The following PTPRA variants were observed in gnomAD, a reference collection of about 807,000 sequenced individuals.
PTPRA encodes protein tyrosine phosphatase receptor type A.
In PTPRA, 25 loss-of-function variants were observed where a neutral mutation model predicts 104.8. The ratio of observed to expected loss-of-function variants is 0.24; its 90% CI spans 0.17 to 0.33. The LOEUF is 0.33. Ranked by LOEUF, PTPRA falls within the 10% of genes least tolerant of loss-of-function variation. The pLI is 1.00. For missense variants in PTPRA, 765 were observed against 1,015.3 expected (o/e 0.75, Z 3.35); for synonymous variants, 323 against 368.9 (o/e 0.88, Z 1.43).
chr20:2,923,236 T>C lies in PTPRA; in HGVS notation c.-99T>C. ...CACAACTAAAAAAAAACAAAGGTAT[T>C]TATGGAATTCCACTGAGTGGTAATG... is the stretch of plus-strand genomic sequence containing the variant. On this transcript the variant is annotated 5_prime_UTR_variant, in exon 2 of 24. Transcript: ENST00000399903. The C allele has an allele frequency of 7.9e-7, 1 of 1,268,184 alleles. No homozygotes were observed. Among genetic ancestry groups the C allele is most frequent in the Non-Finnish European group, 1.0e-6 (1 of 978,516 alleles). 78.6% of individuals were successfully genotyped at this position (1,268,184 alleles called of 1,614,324 possible). A position where few individuals can be genotyped will look rare whatever the true frequency, so the allele number is the denominator to read the frequency against.
intron 2 of PTPRA, among the ~76,000 whole-genome samples, chr20:2,924,936 C>G: frequency 6.6e-6 from 1 of 152,186 alleles, no homozygotes; most frequent in African/African-American, 2.4e-5. Flanking sequence ...GCCTCTGCCT[C>G]CCAAAGTGCT....
At chr20:3,031,009 C>T (rs1295644358) in intron 20 of PTPRA, among the ~76,000 whole-genome samples, 1 of 152,078 alleles carries the variant, frequency 6.6e-6, no homozygotes, top group Non-Finnish European at 1.5e-5. Context: ...TCAAAAGGGT[C>T]CACCAGGATG....
Position 2,965,135 on chromosome 20 carries a change from C to G in PTPRA, c.348C>G (p.Ala116=). ...TTCCAGATAACCAGTTCACGGATGCCAGAACAGAACCCTGGGAGGGGAATT... is the reference window on the plus strand; with the variant it reads ...TTCCAGATAACCAGTTCACGGATGCGAGAACAGAACCCTGGGAGGGGAATT... ...TWLPDNQFTD[A]RTEPWEGNSS... Residue 116 remains alanine, a synonymous_variant, in exon 5 of 24, where the codon GCC becomes GCG. Coordinates refer to ENST00000399903, the MANE Select transcript of PTPRA (RefSeq NM_001385305.1). The G allele has an allele frequency of 6.2e-7, 1 of 1,614,166 alleles. No individual in the cohort carries two copies. Among genetic ancestry groups the G allele is most frequent in the Non-Finnish European group, 8.5e-7 (1 of 1,180,030 alleles).
At chr20:2,969,943 C>T (rs570037498) in intron 5 of PTPRA, among the ~76,000 whole-genome samples, 25 of 150,786 alleles carry the variant, frequency 1.7e-4, no homozygotes, top group Non-Finnish European at 3.1e-4. Context: ...ACACTCCAGC[C>T]TGGGCAACAG....
At chr20:2,993,153 T>C (rs2063259200) in intron 9 of PTPRA, among the ~76,000 whole-genome samples, 1 of 152,100 alleles carries the variant, frequency 6.6e-6, no homozygotes, top group Non-Finnish European at 1.5e-5. Context: ...GAGATCAGAG[T>C]TGGATGCAAG....
chr20:2,917,261 A>AAAAT (rs896108397), intron 1 of PTPRA, among the ~76,000 whole-genome samples: 9 of 152,062 alleles, frequency 5.9e-5, no homozygotes, highest in South Asian at 2.1e-4. Flanking sequence ...TATTTTTGAA[A>AAAAT]AAATAAATAA....
chr20:2,926,298 G>A (rs1275907734), intron 2 of PTPRA, among the ~76,000 whole-genome samples: 1 of 152,152 alleles, frequency 6.6e-6, no homozygotes, highest in Non-Finnish European at 1.5e-5. Flanking sequence ...GAGTTTTGGA[G>A]GCTAGAAGTC....
At chr20:2,996,537 G>A (rs920129726) in intron 9 of PTPRA, among the ~76,000 whole-genome samples, 2 of 152,236 alleles carry the variant, frequency 1.3e-5, no homozygotes, top group Admixed American at 1.3e-4. Context: ...ATATTAAAAT[G>A]TGAAACATCT....
chr20:2,875,009 G>A (rs999870081), intron 1 of PTPRA, among the ~76,000 whole-genome samples: 32 of 152,062 alleles, frequency 2.1e-4, no homozygotes, highest in African/African-American at 7.3e-4. Context: ...CTTCTCATTT[G>A]AGAAGCTTCT....
chr20:2,996,414 T>C (rs1328616186), intron 9 of PTPRA, among the ~76,000 whole-genome samples: 1 of 152,310 alleles, frequency 6.6e-6, no homozygotes, highest in East Asian at 1.9e-4. Context: ...ACAAACCAAT[T>C]TGTGTCTACT....
chr20:2,965,274 T>G, intron 5 of PTPRA, 72 bp downstream of exon 5: 1 of 1,403,956 alleles, frequency 7.1e-7, no homozygotes, highest in Non-Finnish European at 9.6e-7. Flanking sequence ...TGTTTGTGTT[T>G]TCTAGCCTTA....
At chr20:2,941,660 T>A (rs1354729702) in intron 2 of PTPRA, among the ~76,000 whole-genome samples, 2 of 152,224 alleles carry the variant, frequency 1.3e-5, no homozygotes, top group East Asian at 3.8e-4. Context: ...CACCCTTGTG[T>A]GGCCCTACCC....
chr20:2,949,501 C>T (rs1432755795), intron 3 of PTPRA, among the ~76,000 whole-genome samples: 4 of 151,786 alleles, frequency 2.6e-5, no homozygotes, highest in South Asian at 4.2e-4. Flanking sequence ...CTATGTTGTC[C>T]AGCCTGGTCT....
At chr20:2,917,734 G>A (rs1362588642) in intron 1 of PTPRA, among the ~76,000 whole-genome samples, 2 of 152,104 alleles carry the variant, frequency 1.3e-5, no homozygotes, top group Non-Finnish European at 2.9e-5. Flanking sequence ...CTACTCCAGA[G>A]GCTGAAGTGG....
chr20:2,913,037 T>C (rs2059780588), intron 1 of PTPRA, among the ~76,000 whole-genome samples: 1 of 152,060 alleles, frequency 6.6e-6, no homozygotes, highest in South Asian at 2.1e-4. Flanking sequence ...CCCTGAACCA[T>C]TAGAGAGTGA....
In PTPRA at chr20:3,006,023, G is replaced by GT. The variant is rs201651338; in HGVS notation, c.829+887dup. ...CCTAATCCTCAGAACCTGTGAAAAT[G>GT]TTTTTTTTTTAATTTTTTGTAGAGA... On this transcript the variant is annotated intron_variant, in intron 10 of 23. Transcript: ENST00000399903. Among the ~76,000 whole-genome samples, 559 of 148,366 alleles carry GT rather than the reference G, an allele frequency of 3.8e-3. 3 individuals are homozygous for GT. The highest frequency in any genetic ancestry group is 0.035 in the South Asian group (165 of 4,648).
At position 3,022,764 on chromosome 20, in the gene PTPRA, G is replaced by C; in HGVS notation, c.1404G>C (p.Val468=). ...MLDMMHTERK[V]DVYGFVSRIR... is the part of the protein sequence containing the mutation. ...ACATGATGCATACAGAACGGAAGGTGGACGTGTATGGCTTTGTGAGCCGGA... is the reference window on the plus strand; with the variant it reads ...ACATGATGCATACAGAACGGAAGGTCGACGTGTATGGCTTTGTGAGCCGGA... Residue 468 remains valine (V), a synonymous_variant, in exon 16 of 24, where the codon GTG becomes GTC. Coordinates refer to ENST00000399903, the MANE Select transcript of PTPRA (RefSeq NM_001385305.1). This position sits in a 1 kb window ranked among gnomAD's most constrained non-coding sequence, Gnocchi z 4.6. 2.5e-6 allele frequency: 4 copies of C among 1,614,206 alleles called. No individual in the cohort carries two copies. The highest frequency in any genetic ancestry group is 3.4e-6 in the Non-Finnish European group (4 of 1,180,044).
At chr20:2,910,099 C>CAT (rs1334068514) in intron 1 of PTPRA, among the ~76,000 whole-genome samples, 2 of 117,080 alleles carry the variant, frequency 1.7e-5, no homozygotes, top group African/African-American at 6.8e-5. Context: ...TGATATATAA[C>CAT]ATATATATAA....
At chr20:2,995,234 C>T (rs537046867) in intron 9 of PTPRA, among the ~76,000 whole-genome samples, 1 of 152,280 alleles carries the variant, frequency 6.6e-6, no homozygotes, top group East Asian at 1.9e-4. Context: ...TGTAATGATC[C>T]AGCTCAGTGA....
Sources: gnomAD v4.1 joint callset for allele counts (sites outside exome capture counted in the v4.1 genomes callset) on GRCh38, gnomAD v4.1.1 for gene constraint, Gnocchi (gnomAD v3.1) non-coding constraint, MANE v1.5 for transcripts, NCBI Gene and HGNC (gene_info 2026-07-23, HGNC 2026-07-21) for gene names.